ARHGEF18: variants seen among roughly 807,000 people sequenced by gnomAD.
ARHGEF18 encodes Rho/Rac guanine nucleotide exchange factor 18.
ARHGEF18 carries 93 observed loss-of-function variants against 155.7 expected under a neutral mutation model. That is an observed-to-expected ratio of 0.60 (90% confidence interval 0.50 to 0.71). The LOEUF (loss-of-function observed/expected upper bound fraction) is 0.71. Among genes scored for constraint, ARHGEF18 ranks in the 30% least tolerant of loss-of-function variants. ARHGEF18 has a pLI of 0.00. For synonymous variants in ARHGEF18, 742 were observed against 753.1 expected, an observed-to-expected ratio of 0.99 and a Z score of 0.24; for missense variants, 1,593 against 1,816.1, an observed-to-expected ratio of 0.88 and a Z score of 2.23.
chr19:7,455,870 T>C (rs370343619), intron 17 of ARHGEF18, among the ~76,000 whole-genome samples: 9 of 152,280 alleles, frequency 5.9e-5, no homozygotes, highest in African/African-American at 1.4e-4. Flanking sequence ...TCAGATCTTG[T>C]GAGACTCATT....
Position 7,383,119 on chromosome 19 carries a change from T to C in ARHGEF18, c.883T>C (p.Cys295Arg). The C allele has an allele frequency of 8.1e-7, 1 of 1,230,698 alleles. No homozygotes were observed. The highest frequency in any genetic ancestry group is 3.2e-5 in the East Asian group (1 of 31,630). The allele number at this position is 1,230,698 out of a possible 1,614,324, so 76.2% of individuals were successfully genotyped here. The change falls in exon 10 of 29, where the codon TGT becomes CGT. Residue 295 changes from cysteine to arginine, a missense_variant. Coordinates refer to ENST00000668164, the MANE Select transcript of ARHGEF18 (RefSeq NM_001367823.1). ...KGQDARERRE[C>R]VNGHQLLQGT... Reference sequence around the variant, plus strand: ...CCAGGATGCACGAGAGAGGCGGGAGTGTGTCAATGGGCACCAGCTGTTGCA... The same window carrying C: ...CCAGGATGCACGAGAGAGGCGGGAGCGTGTCAATGGGCACCAGCTGTTGCA...
chr19:7,460,942 C>A (rs1324351317), intron 20 of ARHGEF18, among the ~76,000 whole-genome samples: 1 of 151,978 alleles, frequency 6.6e-6, no homozygotes, highest in Non-Finnish European at 1.5e-5. Flanking sequence ...GCACCCGCCA[C>A]CACGCCCCAC....
At chr19:7,448,410 C>G (rs1444958930) in intron 15 of ARHGEF18, among the ~76,000 whole-genome samples, 1 of 152,190 alleles carries the variant, frequency 6.6e-6, no homozygotes, top group African/African-American at 2.4e-5. Context: ...GCCTGTAATC[C>G]CAGCATTTTG....
Position 7,470,865 on chromosome 19 carries a change from C to G in ARHGEF18, c.*567C>G, listed in dbSNP as rs1976984667. On this transcript the variant is annotated 3_prime_UTR_variant, in exon 29 of 29. Transcript: ENST00000668164. The surrounding 1 kb of genome is among the most constrained non-coding windows in gnomAD (Gnocchi z 5.9). ...CCCCACGCAGGTTCACCATGAACCT[C>G]AGGGTCAGGGAATGAGCCAGGCACG... 7.5e-6 allele frequency: 3 copies of G among 401,232 alleles called. No individual in the cohort carries two copies. The East Asian group carries it at 1.1e-4, about 14-fold the overall frequency. The allele number at this position is 401,232 out of a possible 1,614,324, so 24.9% of individuals were successfully genotyped here. A position where few individuals can be genotyped will look rare whatever the true frequency, so the allele number is the denominator to read the frequency against.
chr19:7,459,301 A>C (rs1327133285), intron 19 of ARHGEF18, among the ~76,000 whole-genome samples: 1 of 152,100 alleles, frequency 6.6e-6, no homozygotes, highest in African/African-American at 2.4e-5. Context: ...AGCTTATTGC[A>C]ACCCAAACTC....
chr19:7,353,867 C>A (rs56989030), intron 1 of ARHGEF18, among the ~76,000 whole-genome samples: 1 of 149,454 alleles, frequency 6.7e-6, no homozygotes, highest in Non-Finnish European at 1.5e-5. Context: ...GCAGGAGAAT[C>A]GCTTGAATCT....
At chr19:7,456,434 C>T (rs780091623) in intron 18 of ARHGEF18, 31 bp downstream of exon 18, 23 of 1,600,860 alleles carry the variant, frequency 1.4e-5, no homozygotes, top group Admixed American at 8.3e-5. Flanking sequence ...GACGAAGGGT[C>T]GGCTGGGTGC....
At chr19:7,429,626 T>G (rs1386727107) in intron 10 of ARHGEF18, among the ~76,000 whole-genome samples, 6 of 151,942 alleles carry the variant, frequency 3.9e-5, no homozygotes, top group Non-Finnish European at 7.4e-5. Context: ...TAAATAAAAA[T>G]AAACAGGCAG....
At chr19:7,417,067 A>G (rs899176908) in intron 10 of ARHGEF18, among the ~76,000 whole-genome samples, 4 of 151,682 alleles carry the variant, frequency 2.6e-5, no homozygotes, top group African/African-American at 9.7e-5. Flanking sequence ...GCACCACCAC[A>G]CCTGCGTAAT....
intron 13 of ARHGEF18, among the ~76,000 whole-genome samples, chr19:7,442,742 A>C (rs1247942966): frequency 2.0e-5 from 3 of 152,206 alleles, no homozygotes; most frequent in African/African-American, 7.2e-5. Flanking sequence ...CTTAGAAGCC[A>C]CAGAAGTTTA....
chr19:7,464,268 C>T (rs1305235102), intron 22 of ARHGEF18, among the ~76,000 whole-genome samples: 1 of 152,116 alleles, frequency 6.6e-6, no homozygotes, highest in East Asian at 1.9e-4. Context: ...GAACTCCTGA[C>T]TTCAGGTGAT....
At chr19:7,404,787 T>C (rs983609622) in intron 10 of ARHGEF18, among the ~76,000 whole-genome samples, 2 of 152,122 alleles carry the variant, frequency 1.3e-5, no homozygotes, top group Non-Finnish European at 2.9e-5. Context: ...TGGTTGGGCC[T>C]GAAGACAGGG....
At position 7,462,218 on chromosome 19, in the gene ARHGEF18, A is replaced by AG; in HGVS notation, c.2520dup (p.Met841AspfsTer71). ...CTAGAGAAACAGCAGATCTACCTGG[A>AG]GATGGCCGAGATGGGCGGCCTCGAA... On this transcript the variant is annotated frameshift_variant, in exon 21 of 29. Coordinates refer to ENST00000668164, the MANE Select transcript of ARHGEF18 (RefSeq NM_001367823.1). LOFTEE classifies it high-confidence loss of function. This position sits in a 1 kb window ranked among gnomAD's most constrained non-coding sequence, Gnocchi z 4.4. The AG allele has an allele frequency of 6.2e-7, 1 of 1,613,968 alleles. No individual in the cohort carries two copies. The highest frequency in any genetic ancestry group is 8.5e-7 in the Non-Finnish European group (1 of 1,180,030).
chr19:7,464,496 C>G, intron 22 of ARHGEF18, 64 bp from the exon 23 acceptor site: 2 of 1,547,360 alleles, frequency 1.3e-6, no homozygotes, highest in Admixed American at 1.9e-5. Context: ...TGGGGGTGGA[C>G]TGGGAAGCTT....
At chr19:7,411,424 A>G (rs1436844007) in intron 10 of ARHGEF18, among the ~76,000 whole-genome samples, 2 of 151,966 alleles carry the variant, frequency 1.3e-5, no homozygotes, top group Admixed American at 1.3e-4. Context: ...CTCCTGCCTC[A>G]GCCTCCCAAG....
At chr19:7,360,585 A>G (rs1289544378) in intron 1 of ARHGEF18, among the ~76,000 whole-genome samples, 2 of 152,150 alleles carry the variant, frequency 1.3e-5, no homozygotes, top group African/African-American at 4.8e-5. Context: ...TTCAGGGTTC[A>G]CAGATACAGG....
chr19:7,364,781 T>C (rs1409056194), intron 2 of ARHGEF18, among the ~76,000 whole-genome samples: 1 of 151,788 alleles, frequency 6.6e-6, no homozygotes, highest in African/African-American at 2.4e-5. Context: ...CTTAAGAGGG[T>C]AGGGGCCAGG....
chr19:7,415,652 G>T (rs564311594), intron 10 of ARHGEF18, among the ~76,000 whole-genome samples: 11 of 151,468 alleles, frequency 7.3e-5, no homozygotes, highest in Admixed American at 7.2e-4. Flanking sequence ...CCTCCCAGAC[G>T]TCCTCTCCCT....
intron 10 of ARHGEF18, among the ~76,000 whole-genome samples, chr19:7,401,610 A>G (rs1049753401): frequency 5.3e-5 from 8 of 152,120 alleles, no homozygotes; most frequent in Non-Finnish European, 7.4e-5. Flanking sequence ...GGGAAGATGG[A>G]AAAATTGGAA....
Sources: gnomAD v4.1 joint callset for allele counts (sites outside exome capture counted in the v4.1 genomes callset) on GRCh38, gnomAD v4.1.1 for gene constraint, Gnocchi (gnomAD v3.1) non-coding constraint, MANE v1.5 for transcripts, NCBI Gene and HGNC (gene_info 2026-07-23, HGNC 2026-07-21) for gene names.